The following CBFA2T3 variants were observed in gnomAD, a reference collection of about 807,000 sequenced individuals.
The protein encoded by CBFA2T3 is transcriptional corepressor CBFA2T3.
A neutral mutation model predicts 58.6 loss-of-function variants in CBFA2T3; 31 were observed. That is an observed-to-expected ratio of 0.53 (90% CI 0.40 to 0.71). CBFA2T3 has a LOEUF of 0.71. Ranked by LOEUF, CBFA2T3 falls within the 30% of genes least tolerant of loss-of-function variation. The pLI is 0.00. For synonymous variants in CBFA2T3, 531 were observed against 421.9 expected, an observed-to-expected ratio of 1.26 and a Z score of -3.17; for missense variants, 1,076 against 963.1, an observed-to-expected ratio of 1.12 and a Z score of -1.55.
At chr16:88,930,187 C>A (rs1191985074) in intron 1 of CBFA2T3, among the ~76,000 whole-genome samples, 1 of 149,714 alleles carries the variant, frequency 6.7e-6, no homozygotes, top group Non-Finnish European at 1.5e-5. Flanking sequence ...GCTACCAATA[C>A]CCACAGCTGC....
intron 1 of CBFA2T3, among the ~76,000 whole-genome samples, chr16:88,925,593 G>C (rs1971060739): frequency 6.6e-6 from 1 of 152,230 alleles, no homozygotes; most frequent in South Asian, 2.1e-4. Flanking sequence ...CACAGGCTCA[G>C]AGAGGCTCCA....
At chr16:88,881,644 G>T in intron 8 of CBFA2T3, 155 bp from the exon 9 acceptor site, 1 of 715,828 alleles carries the variant, frequency 1.4e-6, no homozygotes, top group Non-Finnish European at 2.2e-6. Flanking sequence ...CACCTCCATG[G>T]CTTGCAAAGA....
chr16:88,879,138 C>T (rs1244956473), intron 11 of CBFA2T3, 132 bp downstream of exon 11: 8 of 749,472 alleles, frequency 1.1e-5, no homozygotes, highest in South Asian at 3.4e-5. Flanking sequence ...GCGGGGATGG[C>T]GTGCCTGCTG....
chr16:88,883,317 G>A (rs1325105453), intron 7 of CBFA2T3: 1 of 155,830 alleles, frequency 6.4e-6, no homozygotes, highest in African/African-American at 2.4e-5. Flanking sequence ...CCATGACTCC[G>A]ATGAAGCCAC....
chr16:88,952,083 C>T (rs555150632), intron 1 of CBFA2T3, among the ~76,000 whole-genome samples: 21 of 152,200 alleles, frequency 1.4e-4, no homozygotes, highest in African/African-American at 2.9e-4. Context: ...AGATCTAAGC[C>T]GGAAGCTGCT....
intron 1 of CBFA2T3, among the ~76,000 whole-genome samples, chr16:88,926,726 C>T (rs1044176852): frequency 2.6e-5 from 4 of 152,352 alleles, no homozygotes; most frequent in South Asian, 2.1e-4. Flanking sequence ...TCAGTTTCCT[C>T]GGCTGTAAGA....
In CBFA2T3 at chr16:88,899,460, G is replaced by A. The variant is rs183625560; in HGVS notation, c.305-1308C>T. Among the ~76,000 whole-genome samples the A allele has an allele frequency of 2.0e-3, 304 of 152,274 alleles. 1 individual carries two copies. Among genetic ancestry groups the A allele is most frequent in the African/African-American group, 6.6e-3 (273 of 41,540 alleles). On this transcript the variant is annotated intron_variant, in intron 2 of 11. Transcript: ENST00000268679. ...TGCTTATCTCTTTCATAACCTTCAC[G>A]CTCCTTAAACCAGCTGGGACCTCAC...
intron 1 of CBFA2T3, among the ~76,000 whole-genome samples, chr16:88,909,029 C>A (rs1970434833): frequency 1.3e-5 from 2 of 152,344 alleles, no homozygotes; most frequent in Admixed American, 1.3e-4. Context: ...GGGGCACCGG[C>A]TCTGCCCTTC....
At chr16:88,975,097 T>C (rs970508909) in intron 1 of CBFA2T3, among the ~76,000 whole-genome samples, 1 of 62,922 alleles carries the variant, frequency 1.6e-5, no homozygotes, top group Non-Finnish European at 3.9e-5. Context: ...AGTGGCTGGG[T>C]ACTCTGTGTT....
At chr16:88,893,569 G>C (rs943841820) in intron 3 of CBFA2T3, among the ~76,000 whole-genome samples, 2 of 152,218 alleles carry the variant, frequency 1.3e-5, no homozygotes, top group Non-Finnish European at 2.9e-5. Flanking sequence ...CCTGCCCCTG[G>C]CGGCTGGACA....
At chr16:88,968,794 C>T (rs1429627020) in intron 1 of CBFA2T3, among the ~76,000 whole-genome samples, 2 of 152,202 alleles carry the variant, frequency 1.3e-5, no homozygotes, top group African/African-American at 2.4e-5. Flanking sequence ...CATTTCTGCA[C>T]CCTGCGCCTG....
rs201339326 is a variant in CBFA2T3 at position 88,976,663 on chromosome 16, C to T, written c.145G>A (p.Gly49Ser). 64 of 1,561,146 alleles carry T rather than the reference C, an allele frequency of 4.1e-5. No individual in the cohort carries two copies. Among genetic ancestry groups the T allele is most frequent in the South Asian group, 2.7e-4 (23 of 85,060 alleles). The change falls in exon 1 of 12, where the codon GGC becomes AGC. Residue 49 changes from glycine (G) to serine (S), a missense_variant. Coordinates refer to ENST00000268679, the MANE Select transcript of CBFA2T3 (RefSeq NM_005187.6). ...TTCCCCTCGAGCCTCTTACCTGGGC[C>T]GCCCTTCCTGGGACCCCGGGGTGCG... ...CSAPRGPRKG[G>S]PAPVDRKAKA...
At chr16:88,909,060 C>T (rs1970435828) in intron 1 of CBFA2T3, among the ~76,000 whole-genome samples, 1 of 152,188 alleles carries the variant, frequency 6.6e-6, no homozygotes, top group South Asian at 2.1e-4. Context: ...CCACAGGCCC[C>T]AGGCAGGGGA....
rs1330965042 is a variant in CBFA2T3 at position 88,954,439 on chromosome 16, C to G, written c.151+22218G>C. Among the ~76,000 whole-genome samples the G allele has an allele frequency of 6.3e-5, 9 of 143,268 alleles. No individual in the cohort carries two copies. In the East Asian group the frequency reaches 1.6e-3, roughly 26 times the overall value. 94.0% of individuals were successfully genotyped at this position (143,268 alleles called of 152,430 possible). A position where few individuals can be genotyped will look rare whatever the true frequency, so the allele number is the denominator to read the frequency against. ...CCCCACCCAAGGCTCCTGACCCCAT[C>G]CAAGGCTCCTGACCCCAGCCAAGTG... On this transcript the variant is annotated intron_variant, in intron 1 of 11. Coordinates refer to ENST00000268679, the MANE Select transcript of CBFA2T3 (RefSeq NM_005187.6).
At chr16:88,917,323 C>A (rs1597724886) in intron 1 of CBFA2T3, among the ~76,000 whole-genome samples, 1 of 152,100 alleles carries the variant, frequency 6.6e-6, no homozygotes, top group Admixed American at 6.5e-5. Flanking sequence ...GGAACTGGCA[C>A]CGTGGGAGAA....
chr16:88,973,535 A>G (rs1972710484), intron 1 of CBFA2T3, among the ~76,000 whole-genome samples: 1 of 152,214 alleles, frequency 6.6e-6, no homozygotes, highest in Non-Finnish European at 1.5e-5. Flanking sequence ...CGGGGAGGGC[A>G]ATCCAGACCC....
chr16:88,969,510 C>G (rs891655186), intron 1 of CBFA2T3, among the ~76,000 whole-genome samples: 4 of 152,236 alleles, frequency 2.6e-5, no homozygotes, highest in Non-Finnish European at 5.9e-5. Flanking sequence ...TCAGGAGGGG[C>G]TCGCCGCCAC....
At chr16:88,976,150 C>A (rs921987211) in intron 1 of CBFA2T3, among the ~76,000 whole-genome samples, 1 of 152,208 alleles carries the variant, frequency 6.6e-6, no homozygotes. Context: ...CCCCCACTGC[C>A]CTGGCTGGAA....
chr16:88,882,436 T>TGTGGCTGTGTGCGTGGGC (rs1220924197), intron 8 of CBFA2T3, among the ~76,000 whole-genome samples: 4 of 146,972 alleles, frequency 2.7e-5, no homozygotes, highest in Non-Finnish European at 6.0e-5. Context: ...TGTGTGTGGG[T>TGTGGCTGTGTGCGTGGGC]GTGGCTGTGT....
Sources: allele counts gnomAD v4.1 joint callset (sites outside exome capture counted in the v4.1 genomes callset), GRCh38; gene constraint gnomAD v4.1.1; transcripts MANE v1.5; gene names NCBI Gene and HGNC (gene_info 2026-07-23, HGNC 2026-07-21).